PLXDC2: variants seen among roughly 807,000 people sequenced by gnomAD.
PLXDC2 encodes plexin domain containing 2.
In PLXDC2, 40 loss-of-function variants were observed where a neutral mutation model predicts 68.9. The observed-to-expected ratio is 0.58, with a 90% confidence interval of 0.45 to 0.76. The LOEUF (loss-of-function observed/expected upper bound fraction) is 0.76, where lower values mean the gene tolerates loss of function less well. Among genes scored for constraint, PLXDC2 ranks in the 30% least tolerant of loss-of-function variants. The pLI, the probability that PLXDC2 is intolerant of heterozygous loss-of-function variation, is 0.00. For missense variants in PLXDC2, 644 were observed against 661.9 expected (o/e 0.97, Z 0.30); for synonymous variants, 243 against 234.2 (o/e 1.04, Z -0.34).
chr10:20,132,865 T>C (rs888920588), intron 4 of PLXDC2, among the ~76,000 whole-genome samples: 13 of 152,150 alleles, frequency 8.5e-5, no homozygotes, highest in Non-Finnish European at 1.9e-4. Context: ...AGATTTACTA[T>C]TGCCATTTTA....
chr10:20,270,453 A>G (rs1020221326), intron 13 of PLXDC2, among the ~76,000 whole-genome samples: 1 of 152,182 alleles, frequency 6.6e-6, no homozygotes, highest in African/African-American at 2.4e-5. Context: ...GGTGAGGAGG[A>G]TGCCCTGATT....
intron 4 of PLXDC2, among the ~76,000 whole-genome samples, chr10:20,075,482 G>A (rs962640269): frequency 2.0e-5 from 3 of 152,050 alleles, no homozygotes; most frequent in South Asian, 2.1e-4. Context: ...GAGACACTGC[G>A]CCAAGCTATG....
chr10:20,061,211 A>T (rs776440966), intron 3 of PLXDC2, among the ~76,000 whole-genome samples: 2 of 152,128 alleles, frequency 1.3e-5, no homozygotes, highest in Non-Finnish European at 2.9e-5. Flanking sequence ...ATTTTTTCTT[A>T]TTCAAGATCC....
chr10:20,196,007 A>G (rs115207746), intron 9 of PLXDC2, among the ~76,000 whole-genome samples: 1 of 152,298 alleles, frequency 6.6e-6, no homozygotes, highest in African/African-American at 2.4e-5. Flanking sequence ...TAAAGGTGCT[A>G]TTCAAGTATA....
chr10:19,953,660 A>AT (rs1291362362), intron 1 of PLXDC2, among the ~76,000 whole-genome samples: 1 of 152,202 alleles, frequency 6.6e-6, no homozygotes, highest in Non-Finnish European at 1.5e-5. Context: ...GTCAAAAGAC[A>AT]TTTCAACTTT....
chr10:19,816,674 T>G lies in PLXDC2; in HGVS notation c.-406T>G. 1 of 246,710 alleles carries G rather than the reference T, an allele frequency of 4.1e-6. No homozygotes were observed. The highest frequency in any genetic ancestry group is 7.9e-6 in the Non-Finnish European group (1 of 125,886). 15.3% of individuals were successfully genotyped at this position (246,710 alleles called of 1,614,324 possible). On this transcript the variant is annotated 5_prime_UTR_variant, in exon 1 of 14. Coordinates refer to ENST00000377252, the MANE Select transcript of PLXDC2 (RefSeq NM_032812.9). Reference sequence around the variant, plus strand: ...ATCTGGGGCAGGCAGCGGCGCTGGCTGTGGAATTAGATCTGTTTTGAACCC... The same window carrying G: ...ATCTGGGGCAGGCAGCGGCGCTGGCGGTGGAATTAGATCTGTTTTGAACCC...
At chr10:19,921,196 G>C (rs1833456852) in intron 1 of PLXDC2, among the ~76,000 whole-genome samples, 3 of 151,256 alleles carry the variant, frequency 2.0e-5, no homozygotes, top group Admixed American at 2.0e-4. Context: ...CAAAACACTG[G>C]GCATATGAAT....
At chr10:19,866,386 G>C (rs559299654) in intron 1 of PLXDC2, among the ~76,000 whole-genome samples, 10 of 152,180 alleles carry the variant, frequency 6.6e-5, no homozygotes, top group African/African-American at 2.4e-4. Flanking sequence ...TTCTAAGCCG[G>C]CAAAGTTGCA....
chr10:19,905,737 G>T (rs1303885835), intron 1 of PLXDC2, among the ~76,000 whole-genome samples: 1 of 152,110 alleles, frequency 6.6e-6, no homozygotes, highest in East Asian at 1.9e-4. Context: ...ATTGCAAAAG[G>T]TACCCTGAAG....
chr10:20,082,806 C>A (rs1836593759), intron 4 of PLXDC2, among the ~76,000 whole-genome samples: 1 of 152,086 alleles, frequency 6.6e-6, no homozygotes, highest in Admixed American at 6.5e-5. Flanking sequence ...AGGTTTTGGA[C>A]AGGTTAAATA....
intron 4 of PLXDC2, among the ~76,000 whole-genome samples, chr10:20,121,473 A>G (rs1039959204): frequency 6.6e-6 from 1 of 152,310 alleles, no homozygotes; most frequent in Non-Finnish European, 1.5e-5. Flanking sequence ...CGAGATAGGT[A>G]ACAGATGAGG....
chr10:20,081,733 T>C (rs1490660084), intron 4 of PLXDC2, among the ~76,000 whole-genome samples: 1 of 151,928 alleles, frequency 6.6e-6, no homozygotes, highest in African/African-American at 2.4e-5. Flanking sequence ...ACTGTCCAGG[T>C]CATTAAATAA....
intron 13 of PLXDC2, among the ~76,000 whole-genome samples, chr10:20,260,964 A>C (rs1456118513): frequency 6.6e-6 from 1 of 152,118 alleles, no homozygotes; most frequent in African/African-American, 2.4e-5. Context: ...GCGTCTTTTC[A>C]TACACCTGTT....
At chr10:19,988,757 G>T (rs920687866) in intron 1 of PLXDC2, among the ~76,000 whole-genome samples, 1 of 137,202 alleles carries the variant, frequency 7.3e-6, no homozygotes, top group South Asian at 2.4e-4. Context: ...TTCAAGTTAG[G>T]GTTAAGTTAA....
At position 19,816,448 on chromosome 10, in the gene PLXDC2, A is replaced by G. The variant is rs1836341778; in HGVS notation, c.-632A>G. ...TCGGACCTCAGACTGCTGCAGCCCT[A>G]ACCTTCCCAGGGCTCAGCTCTTTGG... On this transcript the variant is annotated 5_prime_UTR_variant, in exon 1 of 14. Transcript: ENST00000377252. 2 of 136,914 alleles carry G rather than the reference A, an allele frequency of 1.5e-5. No homozygotes were observed. Among genetic ancestry groups the G allele is most frequent in the African/African-American group, 5.7e-5 (2 of 34,982 alleles). 8.5% of individuals were successfully genotyped at this position (136,914 alleles called of 1,614,324 possible). A position where few individuals can be genotyped will look rare whatever the true frequency, so the allele number is the denominator to read the frequency against.
chr10:19,821,135 G>A (rs568093200), intron 1 of PLXDC2, among the ~76,000 whole-genome samples: 1 of 152,284 alleles, frequency 6.6e-6, no homozygotes, highest in African/African-American at 2.4e-5. Context: ...GAAGTCTTCA[G>A]CTACTTTCTC....
rs889360211 is a variant in PLXDC2 at position 20,145,540 on chromosome 10, G to T, written c.664+2123G>T. 2.6e-5 allele frequency among the ~76,000 whole-genome samples: 4 copies of T among 151,878 alleles called. No homozygotes were observed. In the South Asian group the frequency reaches 8.3e-4, roughly 31 times the overall value. The stretch of plus-strand genomic sequence containing the variant: ...ATATAAAACTTAACATGTGCAAACA[G>T]TACACTTTTTTTTGTTTTTTGTGTT... On this transcript the variant is annotated intron_variant, in intron 5 of 13. Transcript: ENST00000377252.
intron 1 of PLXDC2, among the ~76,000 whole-genome samples, chr10:19,856,861 C>T (rs896229162): frequency 1.3e-5 from 2 of 152,056 alleles, no homozygotes; most frequent in Admixed American, 1.3e-4. Flanking sequence ...TACATCATAC[C>T]GTGGTTACAG....
At position 20,125,591 on chromosome 10, in the gene PLXDC2, T is replaced by C. The variant is rs542572340; in HGVS notation, c.542-17704T>C. ...TATCACAGAGGTTTGAGCCTGACCA[T>C]AGGACTGCAAAGATCAAGAGCAAAG... On this transcript the variant is annotated intron_variant, in intron 4 of 13. Transcript: ENST00000377252. Among the ~76,000 whole-genome samples, 6 of 152,238 alleles carry C rather than the reference T, an allele frequency of 3.9e-5. No individual in the cohort carries two copies. The East Asian group carries it at 1.2e-3, about 29-fold the overall frequency.
Sources: allele counts gnomAD v4.1 joint callset (sites outside exome capture counted in the v4.1 genomes callset), GRCh38; gene constraint gnomAD v4.1.1; transcripts MANE v1.5; gene names NCBI Gene and HGNC (gene_info 2026-07-23, HGNC 2026-07-21).